HYDIN: variants seen among roughly 807,000 people sequenced by gnomAD.
The protein encoded by HYDIN is axonemal central pair apparatus protein HYDIN.
In HYDIN, 132 loss-of-function variants were observed where a neutral mutation model predicts 403.9. That is an observed-to-expected ratio of 0.33 (90% CI 0.28 to 0.38). HYDIN has a LOEUF of 0.38. HYDIN is among the 10% of genes least tolerant of loss of function. The probability of loss-of-function intolerance (pLI) is 1.00; values close to 1 mark genes in which losing one functional copy is unlikely to be tolerated. For synonymous variants in HYDIN, 1,202 were observed against 1,891.7 expected (o/e 0.64, Z 9.46); for missense variants, 2,827 against 5,009.5 (o/e 0.56, Z 13.15).
At chr16:71,008,279 G>C (rs1249622010) in intron 23 of HYDIN, among the ~76,000 whole-genome samples, 2 of 151,994 alleles carry the variant, frequency 1.3e-5, no homozygotes, top group Non-Finnish European at 1.5e-5. Flanking sequence ...TGTATCCCCT[G>C]AATTTAAAAT....
rs117515206 is a variant in HYDIN at position 71,120,696 on chromosome 16, G to A, written c.1228-4901C>T. 0.016 allele frequency among the ~76,000 whole-genome samples: 2,368 copies of A among 147,938 alleles called. 141 individuals carry two copies. In the East Asian group the frequency reaches 0.16, roughly 10 times the overall value. On this transcript the variant is annotated intron_variant, in intron 9 of 85. Coordinates refer to ENST00000393567, the MANE Select transcript of HYDIN (RefSeq NM_001270974.2). ...ATTACCCCTCTACCTCCTTTCCTTC[G>A]TTTCTCCCTTCCTTCCTTCCTTGAA...
At chr16:71,139,222 T>A (rs1024575223) in intron 7 of HYDIN, among the ~76,000 whole-genome samples, 1 of 152,144 alleles carries the variant, frequency 6.6e-6, no homozygotes, top group Non-Finnish European at 1.5e-5. Flanking sequence ...CTTCAAACCT[T>A]GAATTTGATA....
At chr16:71,106,200 G>T (rs2083610524) in intron 10 of HYDIN, among the ~76,000 whole-genome samples, 1 of 149,116 alleles carries the variant, frequency 6.7e-6, no homozygotes, top group African/African-American at 2.5e-5. Context: ...AATCTCCATA[G>T]CAGTCACACA....
At chr16:70,900,773 T>C (rs1411429893) in intron 53 of HYDIN, among the ~76,000 whole-genome samples, 4 of 150,206 alleles carry the variant, frequency 2.7e-5, no homozygotes, top group Non-Finnish European at 4.4e-5. Context: ...TCCTTCCACA[T>C]TGATTGCTCT....
At chr16:71,071,774 C>G (rs1175039267) in intron 13 of HYDIN, among the ~76,000 whole-genome samples, 1 of 152,138 alleles carries the variant, frequency 6.6e-6, no homozygotes, top group Non-Finnish European at 1.5e-5. Flanking sequence ...CATGACGTCT[C>G]TACTAGAGAA....
In HYDIN at chr16:70,807,896, AG is replaced by A; in HGVS notation, c.15049del (p.Leu5017SerfsTer22). 1 of 1,614,138 alleles carries A rather than the reference AG, an allele frequency of 6.2e-7. No individual in the cohort carries two copies. The highest frequency in any genetic ancestry group is 8.5e-7 in the Non-Finnish European group (1 of 1,180,016). On this transcript the variant is annotated frameshift_variant, in exon 86 of 86. Coordinates refer to ENST00000393567, the MANE Select transcript of HYDIN (RefSeq NM_001270974.2). LOFTEE classifies it high-confidence loss of function. ...CTTGGGAGGCAGAGCCATTCCAAAG[AG>A]GGGGATGATATACTCTCCACCTGCG... ...SLAGGEYIIPLFGMALPPKPQ... is the reference protein window; with the variant it reads ...SLAGGEYIIPXFGMALPPKPQ...
At position 70,837,842 on chromosome 16, in the gene HYDIN, G is replaced by T. The variant is rs748465822; in HGVS notation, c.13090C>A (p.Arg4364Ser). Residue 4364 changes from arginine (R) to serine (S), a missense_variant, in exon 77 of 86, where the codon CGT becomes AGT. By Grantham distance (110) the Arg-to-Ser change is moderately radical (BLOSUM62 -1). Coordinates refer to ENST00000393567, the MANE Select transcript of HYDIN (RefSeq NM_001270974.2). ...TTTCCTGGCTTTACCACATCAACAC[G>T]GGAGTTCACCTCGAGGTGAGTGGTG... ...TNTTHLEVNS[R>S]VDVVKPGNTL... 3 of 1,613,942 alleles carry T rather than the reference G, an allele frequency of 1.9e-6. No individual in the cohort carries two copies. The highest frequency in any genetic ancestry group is 1.1e-5 in the South Asian group (1 of 91,072).
At chr16:70,882,397 T>G (rs1219567728) in intron 60 of HYDIN, among the ~76,000 whole-genome samples, 3 of 152,238 alleles carry the variant, frequency 2.0e-5, no homozygotes, top group Non-Finnish European at 2.9e-5. Context: ...TTGTCTATTT[T>G]AGGCACATAG....
At chr16:71,172,144 C>G (rs2086489542) in intron 5 of HYDIN, among the ~76,000 whole-genome samples, 1 of 152,164 alleles carries the variant, frequency 6.6e-6, no homozygotes, top group African/African-American at 2.4e-5. Flanking sequence ...TCTTTTTGGG[C>G]TATGGTTTTT....
chr16:71,204,590 T>C (rs539474370), intron 1 of HYDIN, among the ~76,000 whole-genome samples: 1 of 152,386 alleles, frequency 6.6e-6, no homozygotes, highest in South Asian at 2.1e-4. Context: ...TTAATTCATA[T>C]TGGATGGGTG....
At chr16:71,202,376 AC>A (rs2088064486) in intron 1 of HYDIN, among the ~76,000 whole-genome samples, 1 of 152,220 alleles carries the variant, frequency 6.6e-6, no homozygotes, top group Non-Finnish European at 1.5e-5. Flanking sequence ...TATTGAAATT[AC>A]CATTTATTGA....
At chr16:71,023,226 T>G (rs986190012) in intron 21 of HYDIN, among the ~76,000 whole-genome samples, 1 of 151,290 alleles carries the variant, frequency 6.6e-6, no homozygotes, top group African/African-American at 2.4e-5. Context: ...ACATGTCTCA[T>G]GGAGCTTGTT....
intron 22 of HYDIN, 115 bp downstream of exon 22, chr16:71,020,059 G>T (rs1404736665): frequency 1.1e-5 from 8 of 741,256 alleles, no homozygotes; most frequent in African/African-American, 3.6e-5. Flanking sequence ...TTGCTTCCTG[G>T]ATCCTTTACA....
At chr16:71,212,342 G>A (rs1055642352) in intron 1 of HYDIN, among the ~76,000 whole-genome samples, 2 of 152,128 alleles carry the variant, frequency 1.3e-5, no homozygotes, top group African/African-American at 4.8e-5. Context: ...ACTTTCAAAT[G>A]ATTCAAGAAA....
At chr16:70,888,221 C>CT (rs1243966377) in intron 58 of HYDIN, among the ~76,000 whole-genome samples, 1 of 152,228 alleles carries the variant, frequency 6.6e-6, no homozygotes, top group Non-Finnish European at 1.5e-5. Flanking sequence ...TAGCATTTAT[C>CT]TATTTTCCTT....
At chr16:70,841,265 G>A (rs1338229394) in intron 75 of HYDIN, among the ~76,000 whole-genome samples, 2 of 152,100 alleles carry the variant, frequency 1.3e-5, no homozygotes, top group Non-Finnish European at 2.9e-5. Context: ...TCAATGAAAA[G>A]GATGTAAATT....
rs541398387 is a variant in HYDIN, at chr16:70,858,886, C to T, written c.12130-1016G>A. Among the ~76,000 whole-genome samples, 406 of 149,992 alleles carry T rather than the reference C, an allele frequency of 2.7e-3. 1 individual carries two copies. The Middle Eastern group carries it at 0.034, about 13-fold the overall frequency. ...TTTAACTAGATGGCCTGGGTACTGA[C>T]ATTATGCAGAGGTCAAAACCAGGTG... On this transcript the variant is annotated intron_variant, in intron 71 of 85. Transcript: ENST00000393567.
intron 73 of HYDIN, chr16:70,852,800 G>A (rs1486145595): frequency 2.0e-5 from 3 of 152,212 alleles, no homozygotes; most frequent in Non-Finnish European, 4.4e-5. Context: ...ATGTAAAGAT[G>A]TCCGACATTA....
chr16:71,182,880 A>C (rs2086966046), intron 3 of HYDIN, among the ~76,000 whole-genome samples: 1 of 152,138 alleles, frequency 6.6e-6, no homozygotes. Flanking sequence ...TAATCCAACA[A>C]ATAAAATAAG....
Sources: gnomAD v4.1 joint callset for allele counts (sites outside exome capture counted in the v4.1 genomes callset) on GRCh38, gnomAD v4.1.1 for gene constraint, MANE v1.5 for transcripts, NCBI Gene and HGNC (gene_info 2026-07-23, HGNC 2026-07-21) for gene names.